Variants in KCNMA1 observed in about 807,000 individuals in gnomAD.
KCNMA1 encodes the protein potassium calcium-activated channel subfamily M alpha 1.
KCNMA1 carries 29 observed loss-of-function variants against 140.0 expected under a neutral mutation model. The ratio of observed to expected loss-of-function variants is 0.21; its 90% CI spans 0.15 to 0.28. The LOEUF is 0.28. KCNMA1 is among the 10% of genes least tolerant of loss of function. The probability of loss-of-function intolerance (pLI) is 1.00; values close to 1 mark genes in which losing one functional copy is unlikely to be tolerated. For missense variants in KCNMA1, 880 were observed against 1,602.2 expected, an observed-to-expected ratio of 0.55 and a Z score of 7.70; for synonymous variants, 612 against 611.9, an observed-to-expected ratio of 1.00 and a Z score of 0.00.
chr10:77,196,116 C>T (rs1036359732), intron 3 of KCNMA1, among the ~76,000 whole-genome samples: 3 of 152,022 alleles, frequency 2.0e-5, no homozygotes, highest in East Asian at 3.9e-4. Flanking sequence ...ATTGTCCTAT[C>T]TTTGAACTTC....
rs1489132846 is a variant in KCNMA1 at position 77,251,392 on chromosome 10, C to A, written c.541-136G>T. ...ACCTGCTTGGAAATCTCACCCTCAT[C>A]CCCAGCCCCCCATTACTGCTTCAGG... On this transcript the variant is annotated intron_variant, in intron 2 of 27. Coordinates refer to ENST00000286628, the MANE Select transcript of KCNMA1 (RefSeq NM_001161352.2). 3 of 719,580 alleles carry A rather than the reference C, an allele frequency of 4.2e-6. No homozygotes were observed. The East Asian group carries it at 8.1e-5, about 19-fold the overall frequency. The allele number at this position is 719,580 out of a possible 1,614,324, so 44.6% of individuals were successfully genotyped here.
At chr10:77,142,580 T>C (rs1301837924) in intron 5 of KCNMA1, among the ~76,000 whole-genome samples, 5 of 152,084 alleles carry the variant, frequency 3.3e-5, no homozygotes, top group African/African-American at 4.8e-5. Flanking sequence ...AAAAAAATTA[T>C]GGTGATGGCA....
chr10:77,051,347 G>A (rs893619312), intron 14 of KCNMA1, among the ~76,000 whole-genome samples: 3 of 152,178 alleles, frequency 2.0e-5, no homozygotes, highest in Non-Finnish European at 4.4e-5. Flanking sequence ...CATTCCAGCC[G>A]CAAGCATAAA....
chr10:77,021,332 C>A (rs1363863783), intron 16 of KCNMA1, among the ~76,000 whole-genome samples: 1 of 152,156 alleles, frequency 6.6e-6, no homozygotes, highest in African/African-American at 2.4e-5. Flanking sequence ...CTTACAATGC[C>A]TCTAAGAGAG....
chr10:77,494,479 G>T (rs1435274521), intron 1 of KCNMA1, among the ~76,000 whole-genome samples: 1 of 152,218 alleles, frequency 6.6e-6, no homozygotes, highest in Non-Finnish European at 1.5e-5. Context: ...GATGAAAAGG[G>T]TAGAGTCCCC....
chr10:76,945,044 G>T, intron 22 of KCNMA1, 79 bp from the exon 23 acceptor site: 1 of 1,172,902 alleles, frequency 8.5e-7, no homozygotes, highest in East Asian at 2.4e-5. Flanking sequence ...GCAAAAGTGA[G>T]AGGAGAGGGA....
chr10:77,273,047 C>G (rs2065612161), intron 2 of KCNMA1, among the ~76,000 whole-genome samples: 1 of 152,172 alleles, frequency 6.6e-6, no homozygotes, highest in Admixed American at 6.5e-5. Context: ...TTCCCTAAAG[C>G]AGAAGCATCT....
At chr10:77,366,595 C>T (rs889948611) in intron 2 of KCNMA1, among the ~76,000 whole-genome samples, 1 of 152,126 alleles carries the variant, frequency 6.6e-6, no homozygotes, top group African/African-American at 2.4e-5. Context: ...TTGGTGATGA[C>T]AGTGATGATG....
chr10:76,877,530 T>C, downstream of KCNMA1: 2 of 416,578 alleles, frequency 4.8e-6, no homozygotes, highest in South Asian at 2.4e-5. Context: ...TTTTAGTATG[T>C]TCATTTATAA....
chr10:76,947,219 C>T (rs1287289107), intron 22 of KCNMA1, among the ~76,000 whole-genome samples: 2 of 151,930 alleles, frequency 1.3e-5, no homozygotes, highest in African/African-American at 4.8e-5. Context: ...TGCCTGTAAA[C>T]CCAGCTACTC....
chr10:77,441,118 C>T lies in KCNMA1; in HGVS notation c.379-37095G>A, dbSNP rs569050604. On this transcript the variant is annotated intron_variant, in intron 1 of 27. Coordinates refer to ENST00000286628, the MANE Select transcript of KCNMA1 (RefSeq NM_001161352.2). ...GATTACAGGCGTGAGCCACCGCGCC[C>T]GGCCAAGAATCAAAATTCAAAGGGC... Among the ~76,000 whole-genome samples, 18 of 152,202 alleles carry T rather than the reference C, an allele frequency of 1.2e-4. 1 individual carries two copies. The highest frequency in any genetic ancestry group is 3.6e-4 in the African/African-American group (15 of 41,516).
chr10:77,106,975 T>G (rs967587470), intron 9 of KCNMA1, among the ~76,000 whole-genome samples: 2 of 152,198 alleles, frequency 1.3e-5, no homozygotes, highest in African/African-American at 4.8e-5. Context: ...CTGTCCTTTG[T>G]GCCTTTGAAA....
At chr10:77,505,982 T>C (rs2045661073) in intron 1 of KCNMA1, among the ~76,000 whole-genome samples, 1 of 152,104 alleles carries the variant, frequency 6.6e-6, no homozygotes, top group South Asian at 2.1e-4. Context: ...CCACGAGGAT[T>C]TGGCAACTGA....
At chr10:77,566,332 A>G (rs1776996943) in intron 1 of KCNMA1, among the ~76,000 whole-genome samples, 1 of 152,192 alleles carries the variant, frequency 6.6e-6, no homozygotes, top group African/African-American at 2.4e-5. Context: ...GCACCACCTG[A>G]AAAGTCCCTC....
chr10:77,120,692 A>G (rs1038844833), intron 6 of KCNMA1, among the ~76,000 whole-genome samples: 2 of 151,884 alleles, frequency 1.3e-5, no homozygotes, highest in African/African-American at 4.8e-5. Context: ...TATCTGGGCA[A>G]CCCCACTGGG....
intron 20 of KCNMA1, among the ~76,000 whole-genome samples, chr10:76,962,491 G>A (rs376325328): frequency 3.9e-5 from 6 of 152,210 alleles, no homozygotes; most frequent in South Asian, 2.1e-4. Context: ...CCTTTTATCC[G>A]AGCTGCAAAT....
At chr10:76,920,644 T>C (rs1215381458) in intron 23 of KCNMA1, among the ~76,000 whole-genome samples, 1 of 152,072 alleles carries the variant, frequency 6.6e-6, no homozygotes. Context: ...AAGAGGAAAA[T>C]AAGATTCAGA....
chr10:77,502,229 G>A (rs368775455), intron 1 of KCNMA1, among the ~76,000 whole-genome samples: 6 of 152,198 alleles, frequency 3.9e-5, no homozygotes, highest in East Asian at 3.9e-4. Flanking sequence ...ACTGACAATC[G>A]TGATTCTGAC....
chr10:77,617,977 G>C (rs1399089005), intron 1 of KCNMA1, among the ~76,000 whole-genome samples: 2 of 152,180 alleles, frequency 1.3e-5, no homozygotes, highest in African/African-American at 4.8e-5. Flanking sequence ...ATCCCTTGCA[G>C]TTAAAATACC....
Sources: gnomAD v4.1 joint callset for allele counts (sites outside exome capture counted in the v4.1 genomes callset) on GRCh38, gnomAD v4.1.1 for gene constraint, MANE v1.5 for transcripts, NCBI Gene and HGNC (gene_info 2026-07-23, HGNC 2026-07-21) for gene names.